NT5DC1: variants seen among roughly 807,000 people sequenced by gnomAD.
NT5DC1 encodes 5'-nucleotidase domain containing 1, also known as 5'-nucleotidase domain-containing protein 1.
In NT5DC1, 42 loss-of-function variants were observed where a neutral mutation model predicts 59.4. That is an observed-to-expected ratio of 0.71 (90% CI 0.55 to 0.92). The LOEUF (loss-of-function observed/expected upper bound fraction) is 0.92, where lower values mean the gene tolerates loss of function less well. Among genes scored for constraint, NT5DC1 ranks in the 40% least tolerant of loss-of-function variants. NT5DC1 has a pLI of 0.00. For missense variants in NT5DC1, 501 were observed against 537.1 expected, an observed-to-expected ratio of 0.93 and a Z score of 0.66; for synonymous variants, 172 against 188.1, an observed-to-expected ratio of 0.91 and a Z score of 0.70.
rs568371606 is a variant in NT5DC1 at position 116,244,770 on chromosome 6, C to G, written c.*746C>G. The G allele has an allele frequency of 6.6e-6, 1 of 152,288 alleles. No homozygotes were observed. The highest frequency in any genetic ancestry group is 1.9e-4 in the East Asian group (1 of 5,186). The allele number at this position is 152,288 out of a possible 1,614,324, so 9.4% of individuals were successfully genotyped here. On this transcript the variant is annotated 3_prime_UTR_variant, in exon 12 of 12. Transcript: ENST00000319550. ...AGACATGACTTATTCTCTGTTCATA[C>G]AGCAAGTATGGAAAAAAGATGATCT...
intron 6 of NT5DC1, among the ~76,000 whole-genome samples, chr6:116,130,444 C>G (rs945104927): frequency 1.4e-5 from 2 of 145,078 alleles, no homozygotes; most frequent in African/African-American, 2.4e-5. Flanking sequence ...ACCATGATCC[C>G]AGTAGTTTTT....
chr6:116,167,361 C>T (rs1032453791), intron 6 of NT5DC1, among the ~76,000 whole-genome samples: 1 of 151,830 alleles, frequency 6.6e-6, no homozygotes, highest in Non-Finnish European at 1.5e-5. Context: ...TACAGGCATG[C>T]GCCACCACTG....
intron 6 of NT5DC1, among the ~76,000 whole-genome samples, chr6:116,146,057 A>G (rs1779891611): frequency 6.6e-6 from 1 of 152,210 alleles, no homozygotes; most frequent in African/African-American, 2.4e-5. Context: ...CACAGTTAAC[A>G]TATGCACGGT....
chr6:116,135,043 T>C (rs1286625160), intron 6 of NT5DC1, among the ~76,000 whole-genome samples: 1 of 152,212 alleles, frequency 6.6e-6, no homozygotes, highest in Non-Finnish European at 1.5e-5. Context: ...TTTACTCATC[T>C]GTACCCCATT....
intron 1 of NT5DC1, 48 bp from the exon 2 acceptor site, chr6:116,106,196 G>T: frequency 1.1e-6 from 1 of 906,778 alleles, no homozygotes; most frequent in South Asian, 1.3e-5. Context: ...CATTAAGAAT[G>T]AATAGTGGGT....
At chr6:116,153,279 A>T (rs1357142823) in intron 6 of NT5DC1, among the ~76,000 whole-genome samples, 1 of 152,128 alleles carries the variant, frequency 6.6e-6, no homozygotes, top group Admixed American at 6.6e-5. Flanking sequence ...GACACATAAA[A>T]GATCAGAGTA....
At chr6:116,201,739 C>G (rs955203792) in intron 6 of NT5DC1, among the ~76,000 whole-genome samples, 2 of 152,012 alleles carry the variant, frequency 1.3e-5, no homozygotes, top group African/African-American at 4.8e-5. Flanking sequence ...CCGAAAGAAA[C>G]ACAGGTGTAC....
chr6:116,212,144 C>G (rs1409000666), intron 6 of NT5DC1, among the ~76,000 whole-genome samples: 11 of 151,974 alleles, frequency 7.2e-5, no homozygotes, highest in Non-Finnish European at 1.6e-4. Context: ...GTTAATAACT[C>G]TGTCAAAACA....
In NT5DC1 at chr6:116,129,782, T is replaced by G. The variant is rs146109384; in HGVS notation, c.529+11837T>G. On this transcript the variant is annotated intron_variant, in intron 6 of 11. Transcript: ENST00000319550. The stretch of plus-strand genomic sequence containing the variant: ...GTGTCACTTTTTACTCCCTTGCAGT[T>G]TATTTGTTGAAAAGCCGTGTCATCT... Among the ~76,000 whole-genome samples the G allele has an allele frequency of 2.2e-3, 336 of 152,318 alleles. 1 individual carries two copies. The highest frequency in any genetic ancestry group is 7.6e-3 in the African/African-American group (318 of 41,590).
chr6:116,205,018 A>G (rs572272611), intron 6 of NT5DC1, among the ~76,000 whole-genome samples: 97 of 152,144 alleles, frequency 6.4e-4, no homozygotes, highest in African/African-American at 2.2e-3. Context: ...TGTGAACTAC[A>G]TATGTGTGTA....
At chr6:116,145,357 A>C (rs1334276954) in intron 6 of NT5DC1, 1 of 278,838 alleles carries the variant, frequency 3.6e-6, no homozygotes, top group Non-Finnish European at 8.1e-6. Flanking sequence ...ATGCTAAAAA[A>C]AAATCAACAT....
rs1255911235 is a variant in NT5DC1, at chr6:116,246,133, A to G, written c.*2109A>G. On this transcript the variant is annotated 3_prime_UTR_variant, in exon 12 of 12. Coordinates refer to ENST00000319550, the MANE Select transcript of NT5DC1 (RefSeq NM_152729.3). ...AAAATTAAAAAGAAAATATTAAAGA[A>G]GTTATATGAAGCAAAAAAATTGTAT... The G allele has an allele frequency of 6.6e-6, 1 of 152,186 alleles. No individual in the cohort carries two copies. Among genetic ancestry groups the G allele is most frequent in the Non-Finnish European group, 1.5e-5 (1 of 67,998 alleles). 9.4% of individuals were successfully genotyped at this position (152,186 alleles called of 1,614,324 possible).
chr6:116,121,950 TTACTGCTATACC>T (rs1240936169), intron 6 of NT5DC1: 1 of 1,612,512 alleles, frequency 6.2e-7, no homozygotes, highest in East Asian at 2.2e-5. Flanking sequence ...TGCTCTCCTC[TTACTGCTATACC>T]TAAAAGACAC....
intron 6 of NT5DC1, among the ~76,000 whole-genome samples, chr6:116,129,096 G>C (rs143896859): frequency 6.6e-6 from 1 of 152,044 alleles, no homozygotes; most frequent in East Asian, 1.9e-4. Context: ...TGAATATTTT[G>C]GTATATTTTT....
At chr6:116,144,357 T>A (rs772511922) in intron 6 of NT5DC1, among the ~76,000 whole-genome samples, 43 of 152,106 alleles carry the variant, frequency 2.8e-4, no homozygotes, top group Non-Finnish European at 5.3e-4. Context: ...AAAAATTAGC[T>A]GGGCGTGATG....
intron 6 of NT5DC1, chr6:116,119,778 T>G (rs1013277712): frequency 2.9e-5 from 8 of 274,280 alleles, no homozygotes; most frequent in Admixed American, 2.9e-4. Flanking sequence ...GTTGTTTGTT[T>G]TTTGTTGTTT....
At chr6:116,228,376 CA>C (rs1357864134) in intron 8 of NT5DC1, among the ~76,000 whole-genome samples, 1 of 152,102 alleles carries the variant, frequency 6.6e-6, no homozygotes, top group African/African-American at 2.4e-5. Context: ...GGCATGGTGG[CA>C]CATGCCTGTA....
At chr6:116,217,525 A>T (rs1325130185) in intron 6 of NT5DC1, among the ~76,000 whole-genome samples, 1 of 152,132 alleles carries the variant, frequency 6.6e-6, no homozygotes, top group Non-Finnish European at 1.5e-5. Flanking sequence ...ACTCCTTTCC[A>T]TCTTAGGTCT....
intron 6 of NT5DC1, among the ~76,000 whole-genome samples, chr6:116,190,732 T>C (rs1464754391): frequency 1.3e-5 from 2 of 152,010 alleles, no homozygotes; most frequent in Admixed American, 6.6e-5. Context: ...TCTTGACAAC[T>C]GAACTGTGAG....
Sources: gnomAD v4.1 joint callset for allele counts (sites outside exome capture counted in the v4.1 genomes callset) on GRCh38, gnomAD v4.1.1 for gene constraint, MANE v1.5 for transcripts, NCBI Gene and HGNC (gene_info 2026-07-23, HGNC 2026-07-21) for gene names.